Variants in SIPA1L1 observed in about 807,000 individuals in gnomAD.
The protein encoded by SIPA1L1 is signal induced proliferation associated 1 like 1.
Under a neutral mutation model 162.7 loss-of-function variants are expected in SIPA1L1, and 26 were observed. The observed-to-expected ratio is 0.16, with a 90% CI of 0.12 to 0.22. SIPA1L1 has a LOEUF of 0.22. Ranked by LOEUF, SIPA1L1 falls within the 10% of genes least tolerant of loss-of-function variation. The pLI is 1.00. For missense variants in SIPA1L1, 1,874 were observed against 2,241.0 expected, an observed-to-expected ratio of 0.84 and a Z score of 3.31; for synonymous variants, 829 against 837.4, an observed-to-expected ratio of 0.99 and a Z score of 0.17.
At chr14:71,336,064 G>T (rs560942147) in intron 2 of SIPA1L1, among the ~76,000 whole-genome samples, 1 of 152,216 alleles carries the variant, frequency 6.6e-6, no homozygotes, top group African/African-American at 2.4e-5. Context: ...TCTTCCTAAA[G>T]TATCTTTTAG....
Position 71,489,857 on chromosome 14 carries a change from A to C in SIPA1L1, c.-464-22886A>C, listed in dbSNP as rs559785132. ...CAGGCTTGTAAATGTTATTAAACCT[A>C]CAAATGAGAAAGGTAAGACTAGTGG... On this transcript the variant is annotated intron_variant, in intron 2 of 23. Coordinates refer to ENST00000381232, the MANE Select transcript of SIPA1L1 (RefSeq NM_001386936.1). Among the ~76,000 whole-genome samples the C allele has an allele frequency of 1.4e-4, 22 of 152,318 alleles. No individual in the cohort carries two copies. In the East Asian group the frequency reaches 3.9e-3, roughly 27 times the overall value.
chr14:71,576,938 C>T (rs962902077), intron 4 of SIPA1L1, among the ~76,000 whole-genome samples: 2 of 151,954 alleles, frequency 1.3e-5, no homozygotes, highest in Non-Finnish European at 2.9e-5. Flanking sequence ...TAAAAATTAG[C>T]CAGGTGTGGT....
Position 71,587,763 on chromosome 14 carries a change from A to G in SIPA1L1, c.-110A>G. 1.0e-6 allele frequency: 1 copy of G among 977,888 alleles called. No homozygotes were observed. 60.6% of individuals were successfully genotyped at this position (977,888 alleles called of 1,614,324 possible). A position where few individuals can be genotyped will look rare whatever the true frequency, so the allele number is the denominator to read the frequency against. ...TTTAAATGAAAAAGATTAAGATCTC[A>G]TGCAACTGTTGTATTTTCTGGAAGC... is the stretch of plus-strand genomic sequence containing the variant. On this transcript the variant is annotated 5_prime_UTR_variant, in exon 5 of 24. An upstream start codon of the reference 5' UTR is lost. Coordinates refer to ENST00000381232, the MANE Select transcript of SIPA1L1 (RefSeq NM_001386936.1).
chr14:71,619,626 A>G (rs1395235008), intron 6 of SIPA1L1, among the ~76,000 whole-genome samples: 3 of 152,060 alleles, frequency 2.0e-5, no homozygotes, highest in Admixed American at 1.3e-4. Flanking sequence ...TAATTGGGCC[A>G]CTTATCGATT....
chr14:71,350,135 C>T (rs2036550403), intron 2 of SIPA1L1, among the ~76,000 whole-genome samples: 2 of 152,014 alleles, frequency 1.3e-5, no homozygotes, highest in East Asian at 1.9e-4. Context: ...TCACAGACCT[C>T]GTGATCTGCC....
intron 6 of SIPA1L1, 33 bp downstream of exon 6, chr14:71,618,920 A>G: frequency 1.2e-6 from 2 of 1,605,256 alleles, no homozygotes; most frequent in Non-Finnish European, 1.7e-6. Flanking sequence ...TTGAGGTTTA[A>G]CTGAAATGGG....
At chr14:71,557,542 T>C (rs2056451214) in intron 4 of SIPA1L1, among the ~76,000 whole-genome samples, 1 of 152,240 alleles carries the variant, frequency 6.6e-6, no homozygotes, top group Admixed American at 6.5e-5. Flanking sequence ...GGCTTTGATG[T>C]GGTACTTGAG....
At chr14:71,601,096 C>G (rs931322855) in intron 5 of SIPA1L1, among the ~76,000 whole-genome samples, 1 of 152,070 alleles carries the variant, frequency 6.6e-6, no homozygotes, top group Non-Finnish European at 1.5e-5. Flanking sequence ...TTCTTTCTTT[C>G]TTTTACCTGA....
intron 2 of SIPA1L1, among the ~76,000 whole-genome samples, chr14:71,492,193 C>T (rs2049339902): frequency 6.6e-6 from 1 of 152,124 alleles, no homozygotes; most frequent in African/African-American, 2.4e-5. Context: ...CCTGATGGCA[C>T]AGTTACAGCA....
chr14:71,624,650 C>T (rs971807470), intron 7 of SIPA1L1, among the ~76,000 whole-genome samples: 1 of 152,154 alleles, frequency 6.6e-6, no homozygotes, highest in African/African-American at 2.4e-5. Flanking sequence ...CATTTAATCT[C>T]CCTACACTGT....
intron 12 of SIPA1L1, among the ~76,000 whole-genome samples, chr14:71,675,768 A>C (rs542205815): frequency 6.6e-6 from 1 of 152,044 alleles, no homozygotes; most frequent in South Asian, 2.1e-4. Flanking sequence ...CTGCTCCTCT[A>C]CCCCTCAGCC....
chr14:71,666,965 A>G (rs942674759), intron 10 of SIPA1L1, among the ~76,000 whole-genome samples: 2 of 151,974 alleles, frequency 1.3e-5, no homozygotes, highest in East Asian at 1.9e-4. Context: ...CAGAAGGTCT[A>G]TTTCAAGCCT....
At chr14:71,353,262 A>G (rs1370209190) in intron 2 of SIPA1L1, among the ~76,000 whole-genome samples, 2 of 152,170 alleles carry the variant, frequency 1.3e-5, no homozygotes, top group Non-Finnish European at 2.9e-5. Flanking sequence ...AAGAAATTTT[A>G]GTTTATCTCA....
chr14:71,650,298 C>G lies in SIPA1L1; in HGVS notation c.1819-37C>G, dbSNP rs760237874. ...ATTTGACTGGGACAAAGTGGATCTG[C>G]CTATATTTATATGCATCGTATTACC... On this transcript the variant is annotated intron_variant, in intron 7 of 23. Transcript: ENST00000381232. 1.9e-6 allele frequency: 3 copies of G among 1,609,894 alleles called. No homozygotes were observed. In the African/African-American group the frequency reaches 4.0e-5, roughly 22 times the overall value.
At chr14:71,685,040 T>C (rs956740266) in intron 12 of SIPA1L1, among the ~76,000 whole-genome samples, 2 of 152,196 alleles carry the variant, frequency 1.3e-5, no homozygotes, top group African/African-American at 4.8e-5. Context: ...GCCCCCGTCA[T>C]GCTGTCCTGG....
At chr14:71,442,039 G>T (rs2044910172) in intron 2 of SIPA1L1, among the ~76,000 whole-genome samples, 1 of 151,766 alleles carries the variant, frequency 6.6e-6, no homozygotes, top group Non-Finnish European at 1.5e-5. Flanking sequence ...TAGGCATGGT[G>T]GTGCATACCT....
At chr14:71,404,658 G>A (rs144694628) in intron 2 of SIPA1L1, among the ~76,000 whole-genome samples, 210 of 152,322 alleles carry the variant, frequency 1.4e-3, no homozygotes, top group Non-Finnish European at 2.5e-3. Flanking sequence ...CAGCCTAACA[G>A]TAGGCATGTA....
At chr14:71,555,354 C>T (rs914468759) in intron 4 of SIPA1L1, among the ~76,000 whole-genome samples, 3 of 152,198 alleles carry the variant, frequency 2.0e-5, no homozygotes, top group East Asian at 1.9e-4. Context: ...CCAATGTCTG[C>T]TGGCTTCTAA....
chr14:71,712,162 C>G (rs1021474681), intron 17 of SIPA1L1, among the ~76,000 whole-genome samples: 3 of 152,210 alleles, frequency 2.0e-5, no homozygotes, highest in Non-Finnish European at 2.9e-5. Context: ...GTACCTGGGA[C>G]TCAGTGACAA....
Sources: gnomAD v4.1 joint callset for allele counts (sites outside exome capture counted in the v4.1 genomes callset) on GRCh38, gnomAD v4.1.1 for gene constraint, MANE v1.5 for transcripts, NCBI Gene and HGNC (gene_info 2026-07-23, HGNC 2026-07-21) for gene names.